Variants in ARGLU1 observed in about 807,000 individuals in gnomAD.
The protein encoded by ARGLU1 is arginine and glutamate rich 1.
A neutral mutation model predicts 37.6 loss-of-function variants in ARGLU1; 9 were observed. The ratio of observed to expected loss-of-function variants is 0.24; its 90% CI spans 0.14 to 0.42. The LOEUF (loss-of-function observed/expected upper bound fraction) is 0.42. Ranked by LOEUF, ARGLU1 falls within the 10% of genes least tolerant of loss-of-function variation. ARGLU1 has a pLI of 1.00. For missense variants in ARGLU1, 211 were observed against 359.2 expected, an observed-to-expected ratio of 0.59 and a Z score of 3.34; for synonymous variants, 166 against 138.5, an observed-to-expected ratio of 1.20 and a Z score of -1.39.
chr13:106,554,400 T>C (rs1247548187), intron 3 of ARGLU1, among the ~76,000 whole-genome samples: 1 of 152,168 alleles, frequency 6.6e-6, no homozygotes, highest in Non-Finnish European at 1.5e-5. Flanking sequence ...GTATTTTACA[T>C]ATTTCCCAAT....
intron 1 of ARGLU1, among the ~76,000 whole-genome samples, chr13:106,565,555 T>C (rs563415162): frequency 1.3e-5 from 2 of 152,332 alleles, no homozygotes; most frequent in East Asian, 1.9e-4. Context: ...GCACAGTGCC[T>C]GGCACTTATT....
rs1880322524 is a variant in ARGLU1 at position 106,543,810 on chromosome 13, T to G, written c.*186A>C. On this transcript the variant is annotated 3_prime_UTR_variant, in exon 4 of 4. Transcript: ENST00000400198. ...AATACAACAATGATCTGATAAGGATTTGACTTAGTGGAAGGAAAAAAAAAA... is the reference window on the plus strand; with the variant it reads ...AATACAACAATGATCTGATAAGGATGTGACTTAGTGGAAGGAAAAAAAAAA... 1.9e-6 allele frequency: 1 copy of G among 520,090 alleles called. No homozygotes were observed. The highest frequency in any genetic ancestry group is 2.2e-5 in the African/African-American group (1 of 45,244). 32.2% of individuals were successfully genotyped at this position (520,090 alleles called of 1,614,324 possible). A position where few individuals can be genotyped will look rare whatever the true frequency, so the allele number is the denominator to read the frequency against.
chr13:106,545,706 G>A (rs1254604607), intron 3 of ARGLU1, among the ~76,000 whole-genome samples: 1 of 152,194 alleles, frequency 6.6e-6, no homozygotes, highest in Non-Finnish European at 1.5e-5. Flanking sequence ...AGAACGCAAA[G>A]AAGTTTAGAC....
intron 3 of ARGLU1, among the ~76,000 whole-genome samples, chr13:106,547,324 A>G (rs1320241363): frequency 6.6e-6 from 1 of 152,242 alleles, no homozygotes; most frequent in Non-Finnish European, 1.5e-5. Context: ...ACTTTATGCC[A>G]GCAAGTACAT....
At chr13:106,552,899 T>A (rs1880566556) in intron 3 of ARGLU1, among the ~76,000 whole-genome samples, 1 of 152,176 alleles carries the variant, frequency 6.6e-6, no homozygotes, top group African/African-American at 2.4e-5. Flanking sequence ...CCAAATATCT[T>A]GGTACACAAT....
At position 106,567,419 on chromosome 13, in the gene ARGLU1, C is replaced by T. The variant is rs1880999036; in HGVS notation, c.347+154G>A. Among the ~76,000 whole-genome samples the T allele has an allele frequency of 6.6e-6, 1 of 152,022 alleles. No homozygotes were observed. Among genetic ancestry groups the T allele is most frequent in the Non-Finnish European group, 1.5e-5 (1 of 67,970 alleles). On this transcript the variant is annotated intron_variant, in intron 1 of 3. Transcript: ENST00000400198. This position sits in a 1 kb window ranked among gnomAD's most constrained non-coding sequence, Gnocchi z 4.3. ...TTCCAAACGCCAAGCCTGCCCGCCC[C>T]GCCGCCGCCTCTCCGACCCGTTCCC...
rs116549880 is a variant in ARGLU1 at position 106,556,254 on chromosome 13, T to C, written c.657+794A>G. ...TAGATTCCATTATGGCCTTCACAAA[T>C]ACCAGGTGATATTTACCAAGAATCC... is the stretch of plus-strand genomic sequence containing the variant. On this transcript the variant is annotated intron_variant, in intron 3 of 3. Transcript: ENST00000400198. Among the ~76,000 whole-genome samples the C allele has an allele frequency of 7.4e-3, 1,124 of 152,334 alleles. 16 individuals carry two copies. The highest frequency in any genetic ancestry group is 0.026 in the African/African-American group (1,064 of 41,582).
intron 1 of ARGLU1, among the ~76,000 whole-genome samples, chr13:106,565,424 TAC>T (rs1406344268): frequency 6.6e-6 from 1 of 152,224 alleles, no homozygotes; most frequent in Non-Finnish European, 1.5e-5. Flanking sequence ...ACTTCCTTTA[TAC>T]AGTTTATATT....
At chr13:106,551,103 G>A (rs113591579) in intron 3 of ARGLU1, among the ~76,000 whole-genome samples, 39 of 152,234 alleles carry the variant, frequency 2.6e-4, no homozygotes, top group African/African-American at 8.2e-4. Flanking sequence ...CAAACAAAAG[G>A]CTGTCTAGCA....
rs1468496901 is a variant in ARGLU1, at chr13:106,542,101, T to C, written c.*1895A>G. ...ATGTCATTAAGCAACTTACTGTCAC[T>C]TCACACCATATGTGGCAGTAAGAAA... On this transcript the variant is annotated 3_prime_UTR_variant, in exon 4 of 4. Transcript: ENST00000400198. 1 of 152,000 alleles carries C rather than the reference T, an allele frequency of 6.6e-6. No homozygotes were observed. The highest frequency in any genetic ancestry group is 1.5e-5 in the Non-Finnish European group (1 of 67,992). The allele number at this position is 152,000 out of a possible 1,614,324, so 9.4% of individuals were successfully genotyped here. A position where few individuals can be genotyped will look rare whatever the true frequency, so the allele number is the denominator to read the frequency against.
chr13:106,555,256 C>A (rs1880632859), intron 3 of ARGLU1, among the ~76,000 whole-genome samples: 1 of 152,090 alleles, frequency 6.6e-6, no homozygotes, highest in Admixed American at 6.5e-5. Flanking sequence ...ACTCGGGAGG[C>A]TGAGGCAGGA....
chr13:106,543,825 GAAAAA>G lies in ARGLU1; in HGVS notation c.*166_*170del, dbSNP rs11349875. The G allele has an allele frequency of 1.6e-3, 649 of 407,740 alleles. No homozygotes were observed. Among genetic ancestry groups the G allele is most frequent in the Non-Finnish European group, 1.7e-3 (426 of 244,430 alleles). The allele number at this position is 407,740 out of a possible 1,614,324, so 25.3% of individuals were successfully genotyped here. On this transcript the variant is annotated 3_prime_UTR_variant, in exon 4 of 4. Coordinates refer to ENST00000400198, the MANE Select transcript of ARGLU1 (RefSeq NM_018011.4). ...TGATAAGGATTTGACTTAGTGGAAG[GAAAAA>G]AAAAAAAAAAAAGGGAATTGCAGAG...
intron 3 of ARGLU1, among the ~76,000 whole-genome samples, chr13:106,547,121 C>G (rs937718936): frequency 6.6e-6 from 1 of 152,140 alleles, no homozygotes; most frequent in Non-Finnish European, 1.5e-5. Flanking sequence ...CTAGCTTGCT[C>G]GCCATGTGAT....
intron 1 of ARGLU1, among the ~76,000 whole-genome samples, chr13:106,565,902 C>T (rs575798840): frequency 6.6e-6 from 1 of 152,284 alleles, no homozygotes; most frequent in East Asian, 1.9e-4. Context: ...CTGCTAAATG[C>T]TTCTATTTAT....
intron 3 of ARGLU1, among the ~76,000 whole-genome samples, chr13:106,549,388 T>C (rs951528833): frequency 2.0e-5 from 3 of 152,192 alleles, no homozygotes; most frequent in African/African-American, 7.2e-5. Flanking sequence ...TTAATTCCTT[T>C]ATTCATCTTC....
intron 1 of ARGLU1, among the ~76,000 whole-genome samples, chr13:106,563,628 T>C (rs953251986): frequency 1.3e-5 from 2 of 152,198 alleles, no homozygotes; most frequent in Non-Finnish European, 2.9e-5. Flanking sequence ...ACATAGTGAC[T>C]CTGTCTCTAC....
At chr13:106,556,341 T>G (rs2138971004) in intron 3 of ARGLU1, among the ~76,000 whole-genome samples, 1 of 152,336 alleles carries the variant, frequency 6.6e-6, no homozygotes, top group East Asian at 1.9e-4. Context: ...TCCAGAGTAC[T>G]CTATTTTTCA....
At position 106,567,680 on chromosome 13, in the gene ARGLU1, G is replaced by A; in HGVS notation, c.240C>T (p.Asp80=). Residue 80 remains aspartate, a synonymous_variant, in exon 1 of 4, where the codon GAC becomes GAT. Coordinates refer to ENST00000400198, the MANE Select transcript of ARGLU1 (RefSeq NM_018011.4). The surrounding 1 kb of genome is among the most constrained non-coding windows in gnomAD (Gnocchi z 4.3). ...CCGTGCGCCCGAAGATGTCGATGCG[G>A]TCGGGCGGGGACGAGGCGCGCTCCC... ...RDRERASSPP[D]RIDIFGRTVS... The A allele has an allele frequency of 6.2e-7, 1 of 1,613,364 alleles. No individual in the cohort carries two copies. Among genetic ancestry groups the A allele is most frequent in the African/African-American group, 1.3e-5 (1 of 74,940 alleles).
intron 1 of ARGLU1, among the ~76,000 whole-genome samples, chr13:106,562,994 AAAAAAAAAAAAAAAC>A (rs1382230898): frequency 1.6e-5 from 2 of 128,130 alleles, no homozygotes; most frequent in Non-Finnish European, 3.3e-5. Context: ...CTGTCTCAAA[AAAAAAAAAAAAAAAC>A]AAAAAAAAAA....
Sources: gnomAD v4.1 joint callset for allele counts (sites outside exome capture counted in the v4.1 genomes callset) on GRCh38, gnomAD v4.1.1 for gene constraint, Gnocchi (gnomAD v3.1) non-coding constraint, MANE v1.5 for transcripts, NCBI Gene and HGNC (gene_info 2026-07-23, HGNC 2026-07-21) for gene names.